Variants in SEMA4A observed in about 807,000 individuals in gnomAD.
SEMA4A encodes the protein semaphorin-4A.
Under a neutral mutation model 72.5 loss-of-function variants are expected in SEMA4A, and 52 were observed. The observed-to-expected ratio is 0.72, with a 90% CI of 0.57 to 0.90. The LOEUF (loss-of-function observed/expected upper bound fraction) is 0.90, where lower values mean the gene tolerates loss of function less well. Ranked by LOEUF, SEMA4A falls within the 40% of genes least tolerant of loss-of-function variation. SEMA4A has a pLI of 0.00. For missense variants in SEMA4A, 926 were observed against 959.7 expected, an observed-to-expected ratio of 0.96 and a Z score of 0.46; for synonymous variants, 369 against 393.1, an observed-to-expected ratio of 0.94 and a Z score of 0.73.
At chr1:156,168,898 CA>C in intron 10 of SEMA4A, among the ~76,000 whole-genome samples, 1 of 152,278 alleles carries the variant, frequency 6.6e-6, no homozygotes, top group South Asian at 2.1e-4. Context: ...CTGGGAGCCA[CA>C]GGGGAAGAGG....
At chr1:156,168,244 CAG>C (rs1654370911) in intron 10 of SEMA4A, among the ~76,000 whole-genome samples, 1 of 136,344 alleles carries the variant, frequency 7.3e-6, no homozygotes, top group African/African-American at 2.8e-5. Flanking sequence ...TTGTTTGAGA[CAG>C]AGTCTTGTTC....
chr1:156,150,703 G>GC (rs1652468404), upstream of SEMA4A, among the ~76,000 whole-genome samples: 1 of 152,114 alleles, frequency 6.6e-6, no homozygotes, highest in Non-Finnish European at 1.5e-5. Flanking sequence ...GTAGCATAGA[G>GC]TCGGGGCGGG....
At chr1:156,161,323 C>T in intron 8 of SEMA4A, 23 bp from the exon 9 acceptor site, 4 of 943,016 alleles carry the variant, frequency 4.2e-6, no homozygotes, top group East Asian at 4.0e-5. Flanking sequence ...CGGGGCGCCC[C>T]CTGACTCCCC....
chr1:156,176,050 G>A (rs1186265886), intron 14 of SEMA4A, among the ~76,000 whole-genome samples: 2 of 152,170 alleles, frequency 1.3e-5, no homozygotes, highest in Non-Finnish European at 2.9e-5. Context: ...AGGCTGAGGC[G>A]GGACTCCCTT....
chr1:156,159,649 CTGAAAT>C (rs1653391094), intron 6 of SEMA4A, among the ~76,000 whole-genome samples: 1 of 152,070 alleles, frequency 6.6e-6, no homozygotes, highest in Non-Finnish European at 1.5e-5. Flanking sequence ...TGGCTCACAC[CTGAAAT>C]CTCAGCACTT....
At chr1:156,161,248 ACTGGGG>A in intron 8 of SEMA4A, 92 bp from the exon 9 acceptor site, 1 of 595,500 alleles carries the variant, frequency 1.7e-6, no homozygotes, top group Non-Finnish European at 2.4e-6. Context: ...GCTGGCGGGG[ACTGGGG>A]GGACACGCCG....
In SEMA4A at chr1:156,176,656, C is replaced by T. The variant is rs1211644530; in HGVS notation, c.1945C>T (p.Leu649=). The change falls in exon 15 of 15, where the codon CTG becomes TTG. Residue 649 remains leucine (L), a synonymous_variant. Transcript: ENST00000368285. Reference sequence around the variant, plus strand: ...GGACAGCCAGGACCAGACCCTGGCCCTGGATCCTGAACTGGCAGGCATCCC... The same window carrying T: ...GGACAGCCAGGACCAGACCCTGGCCTTGGATCCTGAACTGGCAGGCATCCC... The part of the protein sequence containing the change: ...WVDSQDQTLA[L]DPELAGIPRE... 6.2e-7 allele frequency: 1 copy of T among 1,614,094 alleles called. No individual in the cohort carries two copies. The highest frequency in any genetic ancestry group is 8.5e-7 in the Non-Finnish European group (1 of 1,180,050).
upstream of SEMA4A, among the ~76,000 whole-genome samples, chr1:156,151,056 C>T (rs137932899): frequency 3.2e-3 from 484 of 152,330 alleles, 3 homozygotes; most frequent in African/African-American, 0.011. Flanking sequence ...GCTCCTTGGC[C>T]TTGGTTTCCT....
At chr1:156,161,758 G>A in intron 9 of SEMA4A, 2 of 515,898 alleles carry the variant, frequency 3.9e-6, no homozygotes, top group East Asian at 3.3e-5. Context: ...AAAAGGGATA[G>A]GAAGCATTTT....
At position 156,158,424 on chromosome 1, in the gene SEMA4A, T is replaced by C; in HGVS notation, c.400T>C (p.Tyr134His). The C allele has an allele frequency of 6.2e-7, 1 of 1,613,886 alleles. No individual in the cohort carries two copies. Among genetic ancestry groups the C allele is most frequent in the Non-Finnish European group, 8.5e-7 (1 of 1,179,920 alleles). ...CFNFIRVLVS[Y>H]NVTHLYTCGT... ...CAACTTCATCCGTGTCCTGGTTTCT[T>C]ACAATGTCACCCATCTCTACACCTG... Residue 134 changes from tyrosine to histidine, a missense_variant, in exon 5 of 15, where the codon TAC (tyrosine) becomes CAC (histidine). Transcript: ENST00000368285.
upstream of SEMA4A, among the ~76,000 whole-genome samples, chr1:156,151,480 CAAG>C (rs1418707067): frequency 3.3e-5 from 5 of 152,154 alleles, no homozygotes; most frequent in Non-Finnish European, 5.9e-5. Context: ...AGCCTTCCTT[CAAG>C]AAGGTTTCTG....
At position 156,158,058 on chromosome 1, in the gene SEMA4A, C is replaced by T. The variant is rs776976513; in HGVS notation, c.301-12C>T. 26 of 1,611,972 alleles carry T rather than the reference C, an allele frequency of 1.6e-5. No homozygotes were observed. Among genetic ancestry groups the T allele is most frequent in the Non-Finnish European group, 2.2e-5 (26 of 1,177,974 alleles). On this transcript the variant is annotated splice_polypyrimidine_tract_variant and intron_variant, in intron 3 of 14. Transcript: ENST00000368285. Reference sequence around the variant, plus strand: ...TTCTTTTCATCTCGCCCTCCCAACTCCCCACTTTCAGATACCGTGGCCAGC... The same window carrying T: ...TTCTTTTCATCTCGCCCTCCCAACTTCCCACTTTCAGATACCGTGGCCAGC...
intron 1 of SEMA4A, 108 bp from the exon 2 acceptor site, chr1:156,154,442 C>G (rs1028439289): frequency 9.8e-7 from 1 of 1,024,260 alleles, no homozygotes; most frequent in African/African-American, 1.6e-5. Context: ...TGCCCCACCC[C>G]TGCCACCAAT....
In SEMA4A at chr1:156,161,378, G is replaced by T; in HGVS notation, c.843G>T (p.Lys281Asn). 1 of 1,603,476 alleles carries T rather than the reference G, an allele frequency of 6.2e-7. No individual in the cohort carries two copies. Among genetic ancestry groups the T allele is most frequent in the Non-Finnish European group, 8.5e-7 (1 of 1,173,380 alleles). ...NDVGGEKLLQKKWTTFLKAQL... is the reference protein window; with the variant it reads ...NDVGGEKLLQNKWTTFLKAQL... Reference sequence around the variant, plus strand: ...TGGGCGGCGAAAAGCTGCTGCAGAAGAAGTGGACCACCTTCCTGAAGGCCC... The same window carrying T: ...TGGGCGGCGAAAAGCTGCTGCAGAATAAGTGGACCACCTTCCTGAAGGCCC... The change falls in exon 9 of 15, where the codon AAG (lysine) becomes AAT (asparagine). Residue 281 changes from lysine to asparagine, a missense_variant. Coordinates refer to ENST00000368285, the MANE Select transcript of SEMA4A (RefSeq NM_022367.4).
chr1:156,171,900 C>T (rs1298077853), intron 10 of SEMA4A, among the ~76,000 whole-genome samples: 1 of 150,692 alleles, frequency 6.6e-6, no homozygotes, highest in Non-Finnish European at 1.5e-5. Context: ...TCTCCTGTCT[C>T]GCCTTCCCGA....
Position 156,174,918 on chromosome 1 carries a change from A to C in SEMA4A, c.1412A>C (p.Asn471Thr), listed in dbSNP as rs766787575. 6.2e-7 allele frequency: 1 copy of C among 1,614,034 alleles called. No individual in the cohort carries two copies. Among genetic ancestry groups the C allele is most frequent in the Admixed American group, 1.7e-5 (1 of 59,996 alleles). The stretch of plus-strand genomic sequence containing the variant: ...TTCCCTGACCCTGAACCTGTTCGCA[A>C]CCTGCAGCTGGCCCCCACCCAGGTG... ...QLFPDPEPVR[N>T]LQLAPTQGAV... Residue 471 changes from asparagine to threonine, a missense_variant, in exon 12 of 15, where the codon AAC becomes ACC. By Grantham distance (65) the Asn-to-Thr change is moderately conservative. Transcript: ENST00000368285.
chr1:156,169,402 CTTTTCTTT>C (rs1654483675), intron 10 of SEMA4A, among the ~76,000 whole-genome samples: 1 of 112,784 alleles, frequency 8.9e-6, no homozygotes, highest in Admixed American at 9.0e-5. Context: ...TATGTCTTTT[CTTTTCTTT>C]TTTTTTTTTT....
At chr1:156,174,963 A>G (rs746230385) in intron 12 of SEMA4A, 23 bp downstream of exon 12, 88 of 1,614,054 alleles carry the variant, frequency 5.5e-5, no homozygotes, top group Middle Eastern at 4.9e-4. Flanking sequence ...CTGACCATCA[A>G]ATGGCCTTCC....
At chr1:156,147,730 G>A (rs1343189027), upstream of SEMA4A, among the ~76,000 whole-genome samples, 4 of 152,130 alleles carry the variant, frequency 2.6e-5, no homozygotes, top group Non-Finnish European at 5.9e-5. Context: ...CAAAGACACA[G>A]GGTCCCAACA....
Sources: allele counts gnomAD v4.1 joint callset (sites outside exome capture counted in the v4.1 genomes callset), GRCh38; gene constraint gnomAD v4.1.1; transcripts MANE v1.5; gene names NCBI Gene and HGNC (gene_info 2026-07-23, HGNC 2026-07-21).